The following GALNT18 variants were observed in gnomAD, a reference collection of about 807,000 sequenced individuals.
GALNT18 encodes the protein GalNAc-transferase 18.
GALNT18 carries 44 observed loss-of-function variants against 69.5 expected under a neutral mutation model. That is an observed-to-expected ratio of 0.63 (90% CI 0.50 to 0.81). The LOEUF (loss-of-function observed/expected upper bound fraction) is 0.81. Among genes scored for constraint, GALNT18 ranks in the 40% least tolerant of loss-of-function variants. GALNT18 has a pLI of 0.00. For synonymous variants in GALNT18, 364 were observed against 318.2 expected (o/e 1.14, Z -1.53); for missense variants, 715 against 810.0 (o/e 0.88, Z 1.42).
chr11:11,390,201 G>C (rs991353115), intron 3 of GALNT18, among the ~76,000 whole-genome samples: 7 of 152,038 alleles, frequency 4.6e-5, no homozygotes, highest in African/African-American at 1.7e-4. Context: ...CAAACATCCT[G>C]GTCCAGCCTT....
At chr11:11,342,713 C>T (rs1280249033) in intron 6 of GALNT18, among the ~76,000 whole-genome samples, 1 of 152,184 alleles carries the variant, frequency 6.6e-6, no homozygotes, top group African/African-American at 2.4e-5. Context: ...AGGAAGGCAG[C>T]AAAACATGGT....
rs1183407402 is a variant in GALNT18 at position 11,332,480 on chromosome 11, A to G, written c.1416+214T>C. Among the ~76,000 whole-genome samples, 1 of 152,216 alleles carries G rather than the reference A, an allele frequency of 6.6e-6. No homozygotes were observed. The highest frequency in any genetic ancestry group is 1.5e-5 in the Non-Finnish European group (1 of 68,032). ...CCAGAGCTGAATTGCTTAGGACTAT[A>G]AAGGAGAGACAAGTACCTCTCTCAA... On this transcript the variant is annotated intron_variant, in intron 8 of 10. Transcript: ENST00000227756. The surrounding 1 kb of genome is among the most constrained non-coding windows in gnomAD (Gnocchi z 4.3).
chr11:11,295,406 G>A (rs192189099), intron 9 of GALNT18, among the ~76,000 whole-genome samples: 38 of 152,228 alleles, frequency 2.5e-4, no homozygotes, highest in South Asian at 4.1e-4. Flanking sequence ...GTACCCCTAC[G>A]CCCAGTGGAA....
chr11:11,369,840 G>T (rs1850857109), intron 6 of GALNT18, among the ~76,000 whole-genome samples: 1 of 152,024 alleles, frequency 6.6e-6, no homozygotes, highest in Non-Finnish European at 1.5e-5. Flanking sequence ...ATAAGAAGAA[G>T]GCTTTAAATA....
chr11:11,355,922 A>G (rs2133073511), intron 6 of GALNT18, among the ~76,000 whole-genome samples: 1 of 152,314 alleles, frequency 6.6e-6, no homozygotes. Flanking sequence ...GGCCATTTAC[A>G]CCAGGGGTTA....
In GALNT18 at chr11:11,621,744, G is replaced by A. The variant is rs182693115; in HGVS notation, c.-151C>T. 1.1e-5 allele frequency: 7 copies of A among 616,034 alleles called. No homozygotes were observed. The highest frequency in any genetic ancestry group is 1.1e-4 in the African/African-American group (6 of 54,134). The allele number at this position is 616,034 out of a possible 1,614,324, so 38.2% of individuals were successfully genotyped here. On this transcript the variant is annotated 5_prime_UTR_variant, in exon 1 of 11. Transcript: ENST00000227756. This position sits in a 1 kb window ranked among gnomAD's most constrained non-coding sequence, Gnocchi z 9.3. ...GTTCTCCAAAGCCCGGTCCGCTGCC[G>A]GTGTAGCCGCCGTGCCCAAGTTTGC...
intron 1 of GALNT18, among the ~76,000 whole-genome samples, chr11:11,507,667 T>C (rs572191853): frequency 6.6e-6 from 1 of 152,228 alleles, no homozygotes; most frequent in Non-Finnish European, 1.5e-5. Flanking sequence ...ACCTCTGTGA[T>C]GGTTAATATT....
intron 3 of GALNT18, among the ~76,000 whole-genome samples, chr11:11,428,174 C>A (rs1855178054): frequency 1.3e-5 from 2 of 152,218 alleles, no homozygotes; most frequent in South Asian, 4.1e-4. Context: ...AGAAGCAGCT[C>A]CCCGCGTGGA....
intron 3 of GALNT18, among the ~76,000 whole-genome samples, chr11:11,397,834 T>C (rs1854370317): frequency 6.6e-6 from 1 of 152,294 alleles, no homozygotes; most frequent in African/African-American, 2.4e-5. Flanking sequence ...AAAATTGCAG[T>C]TGATTGGGCT....
At chr11:11,553,021 G>A (rs969114718) in intron 1 of GALNT18, among the ~76,000 whole-genome samples, 3 of 152,126 alleles carry the variant, frequency 2.0e-5, no homozygotes, top group Admixed American at 6.6e-5. Flanking sequence ...TAGATCAGTA[G>A]TTTTCAAGTA....
intron 8 of GALNT18, among the ~76,000 whole-genome samples, chr11:11,328,732 T>C (rs1849968557): frequency 6.6e-6 from 1 of 152,214 alleles, no homozygotes; most frequent in Non-Finnish European, 1.5e-5. Flanking sequence ...ACCAATTCCT[T>C]GGTTTACCTT....
At chr11:11,291,278 C>G (rs539133256) in intron 10 of GALNT18, among the ~76,000 whole-genome samples, 1 of 151,998 alleles carries the variant, frequency 6.6e-6, no homozygotes, top group Non-Finnish European at 1.5e-5. Context: ...CCTTCTCCCA[C>G]GTGGCCACTT....
chr11:11,471,261 C>T (rs532050990), intron 1 of GALNT18, among the ~76,000 whole-genome samples: 16 of 152,122 alleles, frequency 1.1e-4, no homozygotes, highest in African/African-American at 2.2e-4. Flanking sequence ...AACATGGCGT[C>T]GGGCTCAGCA....
In GALNT18 at chr11:11,356,519, A is replaced by G. The variant is rs1328085365; in HGVS notation, c.1093-15515T>C. 6.6e-6 allele frequency among the ~76,000 whole-genome samples: 1 copy of G among 152,212 alleles called. No individual in the cohort carries two copies. The highest frequency in any genetic ancestry group is 1.5e-5 in the Non-Finnish European group (1 of 68,028). On this transcript the variant is annotated intron_variant, in intron 6 of 10. Transcript: ENST00000227756. The surrounding 1 kb of genome is among the most constrained non-coding windows in gnomAD (Gnocchi z 4.4). Reference sequence around the variant, plus strand: ...TTTGCTTTTTTCCAAAATTCAGGAAATTAAACATTGATACATGACTATTAT... The same window carrying G: ...TTTGCTTTTTTCCAAAATTCAGGAAGTTAAACATTGATACATGACTATTAT...
chr11:11,367,298 G>A (rs776652345), intron 6 of GALNT18, among the ~76,000 whole-genome samples: 5 of 152,190 alleles, frequency 3.3e-5, no homozygotes, highest in African/African-American at 7.2e-5. Flanking sequence ...ATCTGTGTAA[G>A]TGTCATTATA....
chr11:11,555,400 C>T lies in GALNT18; in HGVS notation c.235+65959G>A, dbSNP rs1230802372. On this transcript the variant is annotated intron_variant, in intron 1 of 10. Coordinates refer to ENST00000227756, the MANE Select transcript of GALNT18 (RefSeq NM_198516.3). The surrounding 1 kb of genome is among the most constrained non-coding windows in gnomAD (Gnocchi z 4.7). ...TAATCCACGCTCCAGTGCTTAGGAG[C>T]TCAGACTGCGACAGCATCAGCCCAG... 6.6e-6 allele frequency among the ~76,000 whole-genome samples: 1 copy of T among 152,234 alleles called. No homozygotes were observed. The highest frequency in any genetic ancestry group is 2.4e-5 in the African/African-American group (1 of 41,464).
At chr11:11,575,623 C>T (rs145889328) in intron 1 of GALNT18, among the ~76,000 whole-genome samples, 103 of 152,354 alleles carry the variant, frequency 6.8e-4, no homozygotes, top group Non-Finnish European at 1.3e-3. Context: ...AACTCCTGCT[C>T]TCTGTTTTCT....
intron 1 of GALNT18, among the ~76,000 whole-genome samples, chr11:11,560,159 T>TA (rs147089687): frequency 1.0e-3 from 3 of 2,860 alleles, no homozygotes; most frequent in Admixed American, 4.1e-3. Context: ...TATGATGGGA[T>TA]GTATGGGATG....
chr11:11,499,130 G>A (rs934422750), intron 1 of GALNT18, among the ~76,000 whole-genome samples: 3 of 152,156 alleles, frequency 2.0e-5, no homozygotes, highest in Admixed American at 6.5e-5. Context: ...CTGATAATCA[G>A]CTTTATTATA....
Sources: allele counts gnomAD v4.1 joint callset (sites outside exome capture counted in the v4.1 genomes callset), GRCh38; gene constraint gnomAD v4.1.1; non-coding constraint Gnocchi (gnomAD v3.1); transcripts MANE v1.5; gene names NCBI Gene and HGNC (gene_info 2026-07-23, HGNC 2026-07-21).